Variants in MTNAP1 observed in about 807,000 individuals in gnomAD.
MTNAP1 encodes the protein mitochondrial nucleoid-associated protein 1.
the MTNAP1 span, chr17:73,245,346 A>G: frequency 7.2e-7 from 1 of 1,380,656 alleles, no homozygotes; most frequent in Non-Finnish European, 9.4e-7. Context: ...ATCTAAAATA[A>G]TGATACAGGA....
At chr17:73,245,195 G>A in the MTNAP1 span, 2 of 1,613,530 alleles carry the variant, frequency 1.2e-6, no homozygotes, top group African/African-American at 2.7e-5. Flanking sequence ...AAGTAGTGTT[G>A]ACCTGGACAT....
the MTNAP1 span, chr17:73,232,938 GAATCA>G: frequency 1.1e-4 from 4 of 36,042 alleles, no homozygotes; most frequent in African/African-American, 3.7e-4. Context: ...CCACTCCGCA[GAATCA>G]GAACAGCTGG....
the MTNAP1 span, chr17:73,236,336 G>A: frequency 6.2e-7 from 1 of 1,613,972 alleles, no homozygotes; most frequent in African/African-American, 1.3e-5. Flanking sequence ...CTTAAAATGA[G>A]CTCATTAGGT....
the MTNAP1 span, chr17:73,236,565 G>T: frequency 6.2e-7 from 1 of 1,614,124 alleles, no homozygotes; most frequent in South Asian, 1.1e-5. Flanking sequence ...CGAGGGAGAC[G>T]ACTTACCAGT....
the MTNAP1 span, among the ~76,000 whole-genome samples, chr17:73,234,093 T>G: frequency 6.6e-6 from 1 of 151,004 alleles, no homozygotes; most frequent in African/African-American, 2.4e-5. Context: ...TGAATAATAT[T>G]TAAACGTTTA....
the MTNAP1 span, chr17:73,248,730 G>A: frequency 1.1e-5 from 7 of 626,468 alleles, no homozygotes; most frequent in African/African-American, 9.1e-5. Context: ...TAACTCACAC[G>A]TGGTCTGTGT....
At chr17:73,245,045 G>A in the MTNAP1 span, 3 of 839,660 alleles carry the variant, frequency 3.6e-6, no homozygotes, top group South Asian at 1.7e-5. Flanking sequence ...ACTTCTCATT[G>A]TGCTTAATAC....
chr17:73,244,799 GC>G, the MTNAP1 span: 1 of 174,362 alleles, frequency 5.7e-6, no homozygotes, highest in Non-Finnish European at 1.2e-5. Flanking sequence ...CAGGAACAAG[GC>G]GGCAGCACTC....
chr17:73,235,521 C>T, the MTNAP1 span: 9 of 1,613,708 alleles, frequency 5.6e-6, no homozygotes, highest in South Asian at 2.2e-5. Flanking sequence ...TGTGTCCTTA[C>T]TGTAAGAAGC....
At chr17:73,242,949 A>G in the MTNAP1 span, 11 of 1,613,990 alleles carry the variant, frequency 6.8e-6, no homozygotes, top group Non-Finnish European at 9.3e-6. Flanking sequence ...TGGCATCACG[A>G]TGCTCTTCAC....
At chr17:73,245,268 G>T in the MTNAP1 span, 1 of 1,543,226 alleles carries the variant, frequency 6.5e-7, no homozygotes, top group East Asian at 2.3e-5. Context: ...ATACTTAACA[G>T]TTTAAAAATG....
chr17:73,232,717 G>A, the MTNAP1 span: 3 of 178,326 alleles, frequency 1.7e-5, no homozygotes, highest in African/African-American at 7.1e-5. Context: ...GGTCTTCCGA[G>A]GTGAGGACGG....
the MTNAP1 span, chr17:73,232,513 G>T: frequency 2.1e-6 from 1 of 478,870 alleles, no homozygotes. Flanking sequence ...GTCAAGCCAG[G>T]TTTCAAATAA....
At chr17:73,235,735 A>G in the MTNAP1 span, 1 of 1,614,228 alleles carries the variant, frequency 6.2e-7, no homozygotes, top group Non-Finnish European at 8.5e-7. Flanking sequence ...GGTGGTGGAC[A>G]AACCAGAACA....
the MTNAP1 span, among the ~76,000 whole-genome samples, chr17:73,233,901 G>A: frequency 4.6e-5 from 7 of 151,860 alleles, no homozygotes; most frequent in African/African-American, 1.2e-4. Flanking sequence ...CAACAACAAA[G>A]TAAAAATGAT....
chr17:73,246,168 T>C, the MTNAP1 span, among the ~76,000 whole-genome samples: 3 of 152,230 alleles, frequency 2.0e-5, no homozygotes, highest in Non-Finnish European at 4.4e-5. Context: ...CACCCGTCTG[T>C]CTCAGCTTTG....
At chr17:73,234,785 GTGTGTGTA>G in the MTNAP1 span, among the ~76,000 whole-genome samples, 2 of 150,990 alleles carry the variant, frequency 1.3e-5, no homozygotes, top group Non-Finnish European at 2.9e-5. Context: ...GTGTGTGTGT[GTGTGTGTA>G]TATGCATATT....
At chr17:73,242,114 A>C in the MTNAP1 span, 2 of 542,974 alleles carry the variant, frequency 3.7e-6, no homozygotes, top group Middle Eastern at 3.1e-4. Flanking sequence ...AGTCCAATGC[A>C]GAAATCTTTA....
At chr17:73,237,857 A>T in the MTNAP1 span, among the ~76,000 whole-genome samples, 1 of 152,308 alleles carries the variant, frequency 6.6e-6, no homozygotes, top group South Asian at 2.1e-4. Flanking sequence ...GATAAGTGGA[A>T]GTGGAGGCTC....
Sources: allele counts gnomAD v4.1 joint callset (sites outside exome capture counted in the v4.1 genomes callset), GRCh38; gene constraint gnomAD v4.1.1; transcripts MANE v1.5; gene names NCBI Gene and HGNC (gene_info 2026-07-23, HGNC 2026-07-21).